The following VPS26C variants were observed in gnomAD, a reference collection of about 807,000 sequenced individuals.
The protein encoded by VPS26C is VPS26 endosomal protein sorting factor C.
In VPS26C, 19 loss-of-function variants were observed where a neutral mutation model predicts 30.6. That is an observed-to-expected ratio of 0.62 (90% CI 0.43 to 0.91). The LOEUF (loss-of-function observed/expected upper bound fraction) is 0.91, where lower values mean the gene tolerates loss of function less well. Among genes scored for constraint, VPS26C ranks in the 40% least tolerant of loss-of-function variants. The pLI is 0.00. For synonymous variants in VPS26C, 132 were observed against 151.5 expected (o/e 0.87, Z 0.95); for missense variants, 318 against 385.1 (o/e 0.83, Z 1.46).
In VPS26C at chr21:37,226,905, G is replaced by C. The variant is rs2085905505; in HGVS notation, c.811+749C>G. ...GGTCTCTCTGTTCTACTTCTTCGTA[G>C]TGTGGAGTGATCTCCCAATTAACAT... On this transcript the variant is annotated intron_variant, in intron 7 of 7. Coordinates refer to ENST00000309117, the MANE Select transcript of VPS26C (RefSeq NM_006052.2). This position sits in a 1 kb window ranked among gnomAD's most constrained non-coding sequence, Gnocchi z 4.1. 1 of 152,218 alleles carries C rather than the reference G, an allele frequency of 6.6e-6. No homozygotes were observed. The allele number at this position is 152,218 out of a possible 1,614,324, so 9.4% of individuals were successfully genotyped here.
chr21:37,253,984 T>C (rs1313375977), intron 1 of VPS26C, among the ~76,000 whole-genome samples: 1 of 152,230 alleles, frequency 6.6e-6, no homozygotes, highest in African/African-American at 2.4e-5. Flanking sequence ...GTTTACAAAG[T>C]TGACATTCGT....
In VPS26C at chr21:37,257,745, T is replaced by G. The variant is rs1398225599; in HGVS notation, c.57+9493A>C. ...AAGGACTGGAGGGGAGGGAAAGGGG[T>G]GGGGAGCGAGGGTACCAGAGGCGTG... On this transcript the variant is annotated intron_variant, in intron 1 of 7. Coordinates refer to ENST00000309117, the MANE Select transcript of VPS26C (RefSeq NM_006052.2). This position sits in a 1 kb window ranked among gnomAD's most constrained non-coding sequence, Gnocchi z 4.2. 4.7e-5 allele frequency among the ~76,000 whole-genome samples: 7 copies of G among 148,006 alleles called. No homozygotes were observed. Among genetic ancestry groups the G allele is most frequent in the South Asian group, 2.2e-4 (1 of 4,548 alleles).
intron 1 of VPS26C, among the ~76,000 whole-genome samples, chr21:37,265,846 A>G (rs554586978): frequency 6.7e-6 from 1 of 148,928 alleles, no homozygotes; most frequent in East Asian, 2.0e-4. Flanking sequence ...AGTGGTGTTC[A>G]TTGTTGTGCT....
chr21:37,247,528 G>A (rs951033317), intron 1 of VPS26C, among the ~76,000 whole-genome samples: 5 of 152,254 alleles, frequency 3.3e-5, no homozygotes, highest in African/African-American at 1.2e-4. Flanking sequence ...AAGACAGACT[G>A]TAAAAAGATG....
At chr21:37,262,218 G>A (rs1296581952) in intron 1 of VPS26C, among the ~76,000 whole-genome samples, 1 of 152,160 alleles carries the variant, frequency 6.6e-6, no homozygotes, top group African/African-American at 2.4e-5. Context: ...CAGTCTAAAG[G>A]ACTCAGGTTG....
In VPS26C at chr21:37,227,246, T is replaced by C. The variant is rs566357865; in HGVS notation, c.811+408A>G. On this transcript the variant is annotated intron_variant, in intron 7 of 7. Transcript: ENST00000309117. ...CCTGTGGTGCTCGTTCACGGGAGTTTTCTTCACGGAGCTCAGCGTCACCTG... is the reference window on the plus strand; with the variant it reads ...CCTGTGGTGCTCGTTCACGGGAGTTCTCTTCACGGAGCTCAGCGTCACCTG... The C allele has an allele frequency of 9.7e-5, 16 of 164,904 alleles. No homozygotes were observed. In the South Asian group the frequency reaches 2.6e-3, roughly 27 times the overall value. 10.2% of individuals were successfully genotyped at this position (164,904 alleles called of 1,614,324 possible).
intron 1 of VPS26C, among the ~76,000 whole-genome samples, chr21:37,242,716 AT>A (rs781090095): frequency 1.1e-3 from 163 of 152,348 alleles, no homozygotes; most frequent in Middle Eastern, 3.4e-3. Flanking sequence ...GCGCCTGAGG[AT>A]GGTCCCGTTC....
At chr21:37,267,587 A>G (rs1187675481), upstream of VPS26C, 3 of 494,284 alleles carry the variant, frequency 6.1e-6, no homozygotes, top group Non-Finnish European at 1.1e-5. Context: ...TTCCGTAGGG[A>G]CAGTCTTACG....
intron 1 of VPS26C, among the ~76,000 whole-genome samples, chr21:37,259,708 A>G (rs2086284483): frequency 6.6e-6 from 1 of 152,182 alleles, no homozygotes; most frequent in Admixed American, 6.6e-5. Context: ...TCTCACGGCC[A>G]AAATCGCCGT....
chr21:37,225,726 A>G, intron 7 of VPS26C, 100 bp from the exon 8 acceptor site: 1 of 1,003,234 alleles, frequency 1.0e-6, no homozygotes, highest in Non-Finnish European at 1.6e-6. Context: ...ACGGCGAAGG[A>G]GCACCCGGTG....
At chr21:37,264,206 A>G (rs992252758) in intron 1 of VPS26C, among the ~76,000 whole-genome samples, 1 of 152,246 alleles carries the variant, frequency 6.6e-6, no homozygotes, top group African/African-American at 2.4e-5. Context: ...TGGAAGTTAT[A>G]CTGGTTTTTC....
intron 1 of VPS26C, among the ~76,000 whole-genome samples, chr21:37,251,368 A>T (rs558775336): frequency 6.6e-6 from 1 of 152,212 alleles, no homozygotes; most frequent in Non-Finnish European, 1.5e-5. Context: ...ACACTAGTAC[A>T]TATGGGGATG....
At chr21:37,244,804 A>T (rs890145979) in intron 1 of VPS26C, among the ~76,000 whole-genome samples, 10 of 152,316 alleles carry the variant, frequency 6.6e-5, no homozygotes, top group African/African-American at 2.4e-4. Flanking sequence ...GGGGGACGTG[A>T]TGAAAAACGG....
chr21:37,259,232 A>G (rs1351113325), intron 1 of VPS26C, among the ~76,000 whole-genome samples: 1 of 152,046 alleles, frequency 6.6e-6, no homozygotes, highest in Non-Finnish European at 1.5e-5. Context: ...AAAAACTAGC[A>G]TTTTAGCTTT....
At chr21:37,234,430 G>C (rs2085998646) in intron 3 of VPS26C, among the ~76,000 whole-genome samples, 1 of 152,174 alleles carries the variant, frequency 6.6e-6, no homozygotes. Context: ...TCCCCCAAGG[G>C]GAGCCCCACT....
At chr21:37,255,362 T>G (rs2086231772) in intron 1 of VPS26C, among the ~76,000 whole-genome samples, 1 of 152,154 alleles carries the variant, frequency 6.6e-6, no homozygotes, top group South Asian at 2.1e-4. Context: ...GCCTGGCATG[T>G]GACAGTAAAA....
rs548047075 is a variant in VPS26C at position 37,230,124 on chromosome 21, C to A, written c.508-1751G>T. Among the ~76,000 whole-genome samples, 30 of 152,322 alleles carry A rather than the reference C, an allele frequency of 2.0e-4. No homozygotes were observed. In the East Asian group the frequency reaches 4.8e-3, roughly 24 times the overall value. On this transcript the variant is annotated intron_variant, in intron 5 of 7. Transcript: ENST00000309117. ...TTAAGTGATCCTCCTGCCTTGGCCT[C>A]CCAAAGTGGTGGGATTCCAGGCATG...
chr21:37,240,771 C>T, intron 1 of VPS26C, 132 bp from the exon 2 acceptor site: 1 of 1,254,352 alleles, frequency 8.0e-7, no homozygotes, highest in Non-Finnish European at 1.1e-6. Flanking sequence ...CACCTGGATA[C>T]CAGGGTGGAG....
chr21:37,228,380 C>T lies in VPS26C; in HGVS notation c.508-7G>A. The stretch of plus-strand genomic sequence containing the variant: ...ATTTGGGAAGCAAAGCTCTCTAAAA[C>T]AAAATGAAAACAAATACATCAGAAT... On this transcript the variant is annotated splice_polypyrimidine_tract_variant and splice_region_variant and intron_variant, in intron 5 of 7. Coordinates refer to ENST00000309117, the MANE Select transcript of VPS26C (RefSeq NM_006052.2). The T allele has an allele frequency of 1.2e-6, 2 of 1,613,648 alleles. No homozygotes were observed. The highest frequency in any genetic ancestry group is 8.5e-7 in the Non-Finnish European group (1 of 1,179,848).
Sources: allele counts gnomAD v4.1 joint callset (sites outside exome capture counted in the v4.1 genomes callset), GRCh38; gene constraint gnomAD v4.1.1; non-coding constraint Gnocchi (gnomAD v3.1); transcripts MANE v1.5; gene names NCBI Gene and HGNC (gene_info 2026-07-23, HGNC 2026-07-21).